Variants in TGFB2 observed in about 807,000 individuals in gnomAD.
The protein encoded by TGFB2 is transforming growth factor beta-2 proprotein.
Under a neutral mutation model 42.7 loss-of-function variants are expected in TGFB2, and 13 were observed. The ratio of observed to expected loss-of-function variants is 0.30; its 90% CI spans 0.20 to 0.48. TGFB2 has a LOEUF of 0.48. Ranked by LOEUF, TGFB2 falls within the 20% of genes least tolerant of loss-of-function variation. The probability of loss-of-function intolerance (pLI) is 0.99; values close to 1 mark genes in which losing one functional copy is unlikely to be tolerated. For synonymous variants in TGFB2, 193 were observed against 193.6 expected (o/e 1.00, Z 0.03); for missense variants, 390 against 517.5 (o/e 0.75, Z 2.39).
At chr1:218,403,838 A>G (rs1191228296) in intron 1 of TGFB2, among the ~76,000 whole-genome samples, 1 of 152,164 alleles carries the variant, frequency 6.6e-6, no homozygotes, top group Non-Finnish European at 1.5e-5. Context: ...AAAGAAATGG[A>G]GCCACTAGAG....
rs11118106 is a variant in TGFB2 at position 218,441,683 on chromosome 1, G to GACAACAACA, written c.*335_*343dup. On this transcript the variant is annotated 3_prime_UTR_variant, in exon 7 of 7. Coordinates refer to ENST00000366930, the MANE Select transcript of TGFB2 (RefSeq NM_003238.6). ...TATTAGTGTTAATTATGTGAACAAC[G>GACAACAACA]ACAACAACAACAACAACAACAAACA... 2,281 of 193,682 alleles carry GACAACAACA rather than the reference G, an allele frequency of 0.012. 49 individuals carry two copies. Among genetic ancestry groups the GACAACAACA allele is most frequent in the African/African-American group, 0.05 (2,103 of 42,234 alleles). The allele number at this position is 193,682 out of a possible 1,614,324, so 12.0% of individuals were successfully genotyped here.
chr1:218,404,101 C>T lies in TGFB2; in HGVS notation c.347-1068C>T, dbSNP rs184418507. ...GCACAACTCTAAAGCAACCCAGGAG[C>T]TTGATTGATTGATTGACTGATTGAT... On this transcript the variant is annotated intron_variant, in intron 1 of 6. Coordinates refer to ENST00000366930, the MANE Select transcript of TGFB2 (RefSeq NM_003238.6). Among the ~76,000 whole-genome samples, 9 of 147,430 alleles carry T rather than the reference C, an allele frequency of 6.1e-5. No homozygotes were observed. In the East Asian group the frequency reaches 1.6e-3, roughly 27 times the overall value.
chr1:218,367,805 T>C (rs948486296), intron 1 of TGFB2, among the ~76,000 whole-genome samples: 4 of 152,116 alleles, frequency 2.6e-5, no homozygotes, highest in African/African-American at 9.7e-5. Context: ...TTTTTTCTTC[T>C]TCTTCTTTTT....
intron 2 of TGFB2, among the ~76,000 whole-genome samples, chr1:218,428,721 C>CT (rs1553302429): frequency 6.6e-6 from 1 of 152,060 alleles, no homozygotes; most frequent in Non-Finnish European, 1.5e-5. Context: ...CAGCACCATG[C>CT]TTTTTTGGTT....
At chr1:218,370,516 T>C (rs904816466) in intron 1 of TGFB2, among the ~76,000 whole-genome samples, 6 of 152,248 alleles carry the variant, frequency 3.9e-5, no homozygotes, top group African/African-American at 1.4e-4. Context: ...AAAGTTGATA[T>C]ATTCAGAAGA....
intron 2 of TGFB2, among the ~76,000 whole-genome samples, chr1:218,431,855 G>A (rs1330377483): frequency 6.6e-6 from 1 of 152,198 alleles, no homozygotes. Context: ...AATTAGATAA[G>A]TGATGTCTTA....
At chr1:218,363,302 T>C (rs1398934743) in intron 1 of TGFB2, 1 of 1,577,202 alleles carries the variant, frequency 6.3e-7, no homozygotes, top group Non-Finnish European at 8.7e-7. Flanking sequence ...TTCAGTAAAA[T>C]AGCTAATGAC....
chr1:218,347,612 C>A (rs1181118984), intron 1 of TGFB2, among the ~76,000 whole-genome samples: 1 of 152,110 alleles, frequency 6.6e-6, no homozygotes, highest in African/African-American at 2.4e-5. Context: ...GGTTTGGAGA[C>A]CCCTCGAGAA....
intron 1 of TGFB2, among the ~76,000 whole-genome samples, chr1:218,397,515 G>T (rs1280520368): frequency 6.8e-6 from 1 of 146,220 alleles, no homozygotes; most frequent in Non-Finnish European, 1.5e-5. Flanking sequence ...AGTGAGCCGA[G>T]ATCGCGCCAC....
At chr1:218,394,087 T>C (rs1212264835) in intron 1 of TGFB2, among the ~76,000 whole-genome samples, 3 of 152,080 alleles carry the variant, frequency 2.0e-5, no homozygotes, top group Non-Finnish European at 2.9e-5. Flanking sequence ...TTTTTTGTAT[T>C]TTTAGTAGAG....
intron 6 of TGFB2, among the ~76,000 whole-genome samples, chr1:218,439,737 G>A (rs1660094374): frequency 6.6e-6 from 1 of 152,186 alleles, no homozygotes; most frequent in Non-Finnish European, 1.5e-5. Flanking sequence ...TGTGGGCAAG[G>A]CCCTGTTGCC....
intron 1 of TGFB2, among the ~76,000 whole-genome samples, chr1:218,381,993 G>T (rs1056389148): frequency 1.3e-5 from 2 of 152,172 alleles, no homozygotes; most frequent in Non-Finnish European, 2.9e-5. Context: ...TCCATCTGAT[G>T]AATAAATTTT....
chr1:218,414,724 C>A (rs1168287664), intron 2 of TGFB2, among the ~76,000 whole-genome samples: 2 of 152,148 alleles, frequency 1.3e-5, no homozygotes, highest in Admixed American at 6.5e-5. Context: ...AGTGAATATG[C>A]AATAGTAACT....
At chr1:218,440,226 T>C (rs1558265535) in intron 6 of TGFB2, among the ~76,000 whole-genome samples, 3 of 152,242 alleles carry the variant, frequency 2.0e-5, no homozygotes, top group Admixed American at 1.3e-4. Flanking sequence ...ATTATGATTA[T>C]GATCGTTTTA....
chr1:218,423,969 G>A lies in TGFB2; in HGVS notation c.511-10113G>A, dbSNP rs557112831. On this transcript the variant is annotated intron_variant, in intron 2 of 6. Transcript: ENST00000366930. Reference sequence around the variant, plus strand: ...CAAAGCCTCTGCACCTTTTCGCTACGCTAATGATTTTCAAAGGCACTTGGC... The same window carrying A: ...CAAAGCCTCTGCACCTTTTCGCTACACTAATGATTTTCAAAGGCACTTGGC... Among the ~76,000 whole-genome samples the A allele has an allele frequency of 3.3e-5, 5 of 152,314 alleles. No homozygotes were observed. The South Asian group carries it at 6.2e-4, about 19-fold the overall frequency.
At chr1:218,348,246 C>T (rs902069129) in intron 1 of TGFB2, among the ~76,000 whole-genome samples, 2 of 152,114 alleles carry the variant, frequency 1.3e-5, no homozygotes, top group African/African-American at 4.8e-5. Context: ...GCTCATTTCT[C>T]TCCTCCCCTT....
intron 1 of TGFB2, among the ~76,000 whole-genome samples, chr1:218,364,207 G>C (rs761502374): frequency 1.2e-4 from 19 of 152,168 alleles, no homozygotes; most frequent in Non-Finnish European, 2.5e-4. Flanking sequence ...GGATCGTCAT[G>C]GGTCAGGCCC....
chr1:218,356,938 G>A (rs1657054391), intron 1 of TGFB2, among the ~76,000 whole-genome samples: 1 of 152,346 alleles, frequency 6.6e-6, no homozygotes, highest in Non-Finnish European at 1.5e-5. Context: ...GAGGCCGGGT[G>A]CAGTGGCTGG....
chr1:218,402,142 C>T (rs1658743106), intron 1 of TGFB2, among the ~76,000 whole-genome samples: 1 of 152,186 alleles, frequency 6.6e-6, no homozygotes, highest in Non-Finnish European at 1.5e-5. Flanking sequence ...CGGCTCCTCC[C>T]GGCCTGGTCG....
Sources: allele counts gnomAD v4.1 joint callset (sites outside exome capture counted in the v4.1 genomes callset), GRCh38; gene constraint gnomAD v4.1.1; transcripts MANE v1.5; gene names NCBI Gene and HGNC (gene_info 2026-07-23, HGNC 2026-07-21).